Variants in LAMA3 observed in about 807,000 individuals in gnomAD.
LAMA3 encodes laminin subunit alpha 3, also known as laminin subunit alpha-3.
In LAMA3, 281 loss-of-function variants were observed where a neutral mutation model predicts 402.0. That is an observed-to-expected ratio of 0.70 (90% CI 0.63 to 0.77). The LOEUF is 0.77. LAMA3 is among the 30% of genes least tolerant of loss of function. The pLI is 0.00. For missense variants in LAMA3, 3,840 were observed against 4,215.5 expected, an observed-to-expected ratio of 0.91 and a Z score of 2.47; for synonymous variants, 1,431 against 1,558.4, an observed-to-expected ratio of 0.92 and a Z score of 1.93.
chr18:23,896,114 TC>T (rs1230793339), intron 44 of LAMA3, among the ~76,000 whole-genome samples: 2 of 152,180 alleles, frequency 1.3e-5, no homozygotes, highest in East Asian at 3.9e-4. Context: ...GGCGGGTAGA[TC>T]ACTTGAGCCC....
chr18:23,774,635 C>G (rs1213647452), intron 9 of LAMA3, among the ~76,000 whole-genome samples: 1 of 152,156 alleles, frequency 6.6e-6, no homozygotes, highest in Non-Finnish European at 1.5e-5. Context: ...GCAACCTATA[C>G]CCTATTCAAT....
intron 40 of LAMA3, among the ~76,000 whole-genome samples, chr18:23,884,123 T>C (rs2064994518): frequency 6.6e-6 from 1 of 150,440 alleles, no homozygotes; most frequent in Admixed American, 6.6e-5. Context: ...TAAAATATCA[T>C]CACTTATTGC....
At chr18:23,810,235 C>T in intron 12 of LAMA3, 131 bp from the exon 13 acceptor site, 1 of 1,070,350 alleles carries the variant, frequency 9.3e-7, no homozygotes, top group Non-Finnish European at 1.4e-6. Context: ...TTCCCGATCT[C>T]ATAAGAAGTG....
chr18:23,712,675 A>G (rs1246634283), intron 1 of LAMA3, among the ~76,000 whole-genome samples: 4 of 147,308 alleles, frequency 2.7e-5, no homozygotes, highest in Non-Finnish European at 4.5e-5. Context: ...CATGCATGAA[A>G]GAACCATGAG....
At chr18:23,916,863 T>C (rs939197096) in intron 60 of LAMA3, among the ~76,000 whole-genome samples, 168 bp downstream of exon 60, 1 of 151,752 alleles carries the variant, frequency 6.6e-6, no homozygotes, top group East Asian at 1.9e-4. Context: ...CTGGGAAATG[T>C]ACTTTTTTTT....
intron 11 of LAMA3, among the ~76,000 whole-genome samples, chr18:23,783,571 G>A (rs1038473840): frequency 1.3e-5 from 2 of 152,172 alleles, no homozygotes; most frequent in Admixed American, 6.5e-5. Flanking sequence ...GGCCAGTGCC[G>A]GGAGGATTAA....
chr18:23,917,304 C>T (rs183162307), intron 60 of LAMA3, among the ~76,000 whole-genome samples: 15 of 152,138 alleles, frequency 9.9e-5, no homozygotes, highest in African/African-American at 2.9e-4. Context: ...ATGTCTTTGC[C>T]GTTGTGAATA....
intron 1 of LAMA3, among the ~76,000 whole-genome samples, chr18:23,701,148 GA>G (rs2060783512): frequency 6.6e-6 from 1 of 152,176 alleles, no homozygotes; most frequent in African/African-American, 2.4e-5. Flanking sequence ...TTTTTGAATG[GA>G]AATAAATCAT....
At chr18:23,802,990 G>T (rs1266950592) in intron 12 of LAMA3, among the ~76,000 whole-genome samples, 1 of 152,160 alleles carries the variant, frequency 6.6e-6, no homozygotes, top group Non-Finnish European at 1.5e-5. Context: ...GGGGAAAGTG[G>T]TGAGATTAGT....
At chr18:23,866,219 C>T (rs923104245) in intron 36 of LAMA3, among the ~76,000 whole-genome samples, 4 of 152,188 alleles carry the variant, frequency 2.6e-5, no homozygotes, top group African/African-American at 4.8e-5. Context: ...GAATTCCCCA[C>T]GACACAGGGC....
At chr18:23,759,772 G>C (rs2061931676) in intron 7 of LAMA3, among the ~76,000 whole-genome samples, 1 of 152,308 alleles carries the variant, frequency 6.6e-6, no homozygotes, top group Admixed American at 6.5e-5. Flanking sequence ...TATGTAAAAG[G>C]TGTTCCCAGT....
intron 10 of LAMA3, among the ~76,000 whole-genome samples, chr18:23,777,020 A>G (rs2062336716): frequency 6.6e-6 from 1 of 151,806 alleles, no homozygotes; most frequent in Non-Finnish European, 1.5e-5. Context: ...TTGTATTTTT[A>G]GTAGAGATGG....
chr18:23,837,247 C>T, intron 25 of LAMA3, 158 bp downstream of exon 25: 1 of 653,716 alleles, frequency 1.5e-6, no homozygotes, highest in South Asian at 1.7e-5. Context: ...CCTGACTTGC[C>T]TCTTCATTTG....
chr18:23,907,010 T>C (rs1217001615), intron 52 of LAMA3, among the ~76,000 whole-genome samples: 3 of 152,254 alleles, frequency 2.0e-5, no homozygotes, highest in Non-Finnish European at 4.4e-5. Flanking sequence ...ATTTTGGAAA[T>C]TAACAGAAAC....
chr18:23,898,700 A>T (rs541005759), intron 44 of LAMA3, 38 bp from the exon 45 acceptor site: 1 of 1,119,892 alleles, frequency 8.9e-7, no homozygotes, highest in South Asian at 1.2e-5. Flanking sequence ...CTTAGTCTTT[A>T]TACTGTAAAG....
chr18:23,825,848 A>T (rs570157403), intron 21 of LAMA3, among the ~76,000 whole-genome samples: 6 of 152,170 alleles, frequency 3.9e-5, no homozygotes, highest in South Asian at 4.2e-4. Context: ...AACCTTTACT[A>T]TTCTATTATC....
chr18:23,827,863 T>G (rs1197205022), intron 23 of LAMA3, among the ~76,000 whole-genome samples: 3 of 152,186 alleles, frequency 2.0e-5, no homozygotes, highest in African/African-American at 7.2e-5. Flanking sequence ...ACTCACTGAC[T>G]GTTCAACCCC....
At chr18:23,705,705 A>G in intron 1 of LAMA3, among the ~76,000 whole-genome samples, 1 of 151,976 alleles carries the variant, frequency 6.6e-6, no homozygotes, top group East Asian at 1.9e-4. Context: ...TTTTGTAGAG[A>G]CGGGGTTTCA....
chr18:23,801,958 A>G (rs2062873767), intron 12 of LAMA3, among the ~76,000 whole-genome samples: 3 of 152,358 alleles, frequency 2.0e-5, no homozygotes, highest in Middle Eastern at 3.4e-3. Flanking sequence ...ACGCATATAC[A>G]GAAAAAACAT....
Sources: gnomAD v4.1 joint callset for allele counts (sites outside exome capture counted in the v4.1 genomes callset) on GRCh38, gnomAD v4.1.1 for gene constraint, MANE v1.5 for transcripts, NCBI Gene and HGNC (gene_info 2026-07-23, HGNC 2026-07-21) for gene names.